The following CCDC32 variants were observed in gnomAD, a reference collection of about 807,000 sequenced individuals.
CCDC32 encodes coiled-coil domain-containing protein 32.
In CCDC32, 9 loss-of-function variants were observed where a neutral mutation model predicts 20.1. That is an observed-to-expected ratio of 0.45 (90% CI 0.27 to 0.78). CCDC32 has a LOEUF of 0.78. CCDC32 is among the 30% of genes least tolerant of loss of function. The pLI, the probability that CCDC32 is intolerant of heterozygous loss-of-function variation, is 0.16. For missense variants in CCDC32, 204 were observed against 215.5 expected, an observed-to-expected ratio of 0.95 and a Z score of 0.33; for synonymous variants, 63 against 79.0, an observed-to-expected ratio of 0.80 and a Z score of 1.07.
chr15:40,554,124 GGT>G lies in CCDC32; in HGVS notation c.403_404del (p.Thr135LeufsTer12). 6.2e-7 allele frequency: 1 copy of G among 1,613,012 alleles called. No individual in the cohort carries two copies. The highest frequency in any genetic ancestry group is 8.5e-7 in the Non-Finnish European group (1 of 1,179,214). ...GGAGCCACCTCTTGAAATGTTCCAAGGTGCTATGAAAGGGCAGAATAAAAGGG... is the reference window on the plus strand; with the variant it reads ...GGAGCCACCTCTTGAAATGTTCCAAGGCTATGAAAGGGCAGAATAAAAGGG... ...FVDGLDSDESTLEHFKRWLQP... is the reference protein window; with the variant it reads ...FVDGLDSDESXLEHFKRWLQP... On this transcript the variant is annotated frameshift_variant and splice_region_variant, in exon 4 of 4. Coordinates refer to ENST00000416810, the MANE Select transcript of CCDC32 (RefSeq NM_001080792.4). LOFTEE classifies it high-confidence loss of function.
At chr15:40,547,905 C>T (rs930986396) in intron 3 of CCDC32, among the ~76,000 whole-genome samples, 8 of 152,238 alleles carry the variant, frequency 5.3e-5, no homozygotes, top group East Asian at 3.8e-4. Flanking sequence ...TGCCTTTGCA[C>T]GCACTCTCGT....
chr15:40,524,734 T>A (rs1894877607), downstream of CCDC32, among the ~76,000 whole-genome samples: 1 of 137,934 alleles, frequency 7.2e-6, no homozygotes, highest in Non-Finnish European at 1.5e-5. Flanking sequence ...CTGTTCTTTT[T>A]CTTTCTTTTT....
At chr15:40,536,918 A>C (rs150539330), downstream of CCDC32, 2 of 152,408 alleles carry the variant, frequency 1.3e-5, no homozygotes, top group East Asian at 3.9e-4. Context: ...AGCTTCACTT[A>C]TATGGTGGCA....
chr15:40,539,871 C>CACACACACACACACAT (rs1734614606), intron 3 of CCDC32, among the ~76,000 whole-genome samples: 5 of 151,744 alleles, frequency 3.3e-5, no homozygotes, highest in Admixed American at 1.3e-4. Flanking sequence ...CACACACACA[C>CACACACACACACACAT]ACACACACAC....
downstream of CCDC32, chr15:40,539,224 C>T (rs867718900): frequency 2.9e-5 from 44 of 1,533,194 alleles, no homozygotes; most frequent in Middle Eastern, 1.7e-4. Context: ...CTGCCTGGCC[C>T]GCCCTGGCTG....
At chr15:40,530,985 C>T (rs1888857688), downstream of CCDC32, among the ~76,000 whole-genome samples, 2 of 151,752 alleles carry the variant, frequency 1.3e-5, 1 homozygote, top group South Asian at 4.2e-4. Flanking sequence ...GCTGGGTTTA[C>T]AGGCATGGGC....
In CCDC32 at chr15:40,553,302, G is replaced by C. The variant is rs935900294; in HGVS notation, c.*669C>G. 15 of 985,434 alleles carry C rather than the reference G, an allele frequency of 1.5e-5. No individual in the cohort carries two copies. The highest frequency in any genetic ancestry group is 1.8e-5 in the Non-Finnish European group (15 of 829,950). The allele number at this position is 985,434 out of a possible 1,614,324, so 61.0% of individuals were successfully genotyped here. ...AGTGCAGGAGGAAGTTGGAGGAGAA[G>C]CCATGCATGAAGTAAAAAATACATA... is the stretch of plus-strand genomic sequence containing the variant. On this transcript the variant is annotated 3_prime_UTR_variant, in exon 4 of 4. Coordinates refer to ENST00000416810, the MANE Select transcript of CCDC32 (RefSeq NM_001080792.4).
chr15:40,521,638 C>T, the CCDC32 span, among the ~76,000 whole-genome samples: 11 of 152,184 alleles, frequency 7.2e-5, no homozygotes, highest in East Asian at 1.9e-4. Flanking sequence ...TCTACATCCT[C>T]GCAGACTCTT....
At chr15:40,551,418 C>T (rs986953029), downstream of CCDC32, among the ~76,000 whole-genome samples, 1 of 151,952 alleles carries the variant, frequency 6.6e-6, no homozygotes, top group Non-Finnish European at 1.5e-5. Flanking sequence ...CATCAGATGG[C>T]CCTGGAGAGG....
downstream of CCDC32, chr15:40,535,540 C>G: frequency 3.0e-6 from 3 of 985,796 alleles, no homozygotes; most frequent in Non-Finnish European, 3.6e-6. Flanking sequence ...CGCCCCTTCT[C>G]TCCTCCTCCA....
chr15:40,557,555 C>G (rs950977821), intron 2 of CCDC32, 183 bp from the exon 3 acceptor site: 1 of 559,922 alleles, frequency 1.8e-6, no homozygotes, highest in Non-Finnish European at 3.0e-6. Flanking sequence ...TTTTCCTTCA[C>G]AAAGTCCTCA....
chr15:40,544,273 G>C (rs55944373), intron 3 of CCDC32, among the ~76,000 whole-genome samples: 13,209 of 152,222 alleles, frequency 0.087, 854 homozygotes, highest in Non-Finnish European at 0.13. Flanking sequence ...GGGTGCGGTA[G>C]GGCAATCATA....
At chr15:40,524,017 C>T (rs1894865881), downstream of CCDC32, among the ~76,000 whole-genome samples, 1 of 151,804 alleles carries the variant, frequency 6.6e-6, no homozygotes, top group Non-Finnish European at 1.5e-5. Context: ...TTCACAGTAG[C>T]CAAAAACTGG....
chr15:40,540,059 T>C (rs1019366234), intron 3 of CCDC32, among the ~76,000 whole-genome samples: 5 of 152,008 alleles, frequency 3.3e-5, no homozygotes, highest in African/African-American at 1.2e-4. Context: ...CTGGAGGTAA[T>C]GAATGGGCAA....
At chr15:40,555,239 A>T (rs1595891873) in intron 3 of CCDC32, among the ~76,000 whole-genome samples, 1 of 152,366 alleles carries the variant, frequency 6.6e-6, no homozygotes, top group South Asian at 2.1e-4. Context: ...GCTCAGGGGA[A>T]TCAGGTGTGA....
chr15:40,546,107 A>G lies in CCDC32; in HGVS notation c.402-6752T>C, dbSNP rs569203757. Among the ~76,000 whole-genome samples, 143 of 152,000 alleles carry G rather than the reference A, an allele frequency of 9.4e-4. 1 individual carries two copies. Among genetic ancestry groups the G allele is most frequent in the African/African-American group, 3.3e-3 (135 of 41,444 alleles). On this transcript the variant is annotated intron_variant, in intron 3 of 3. Coordinates refer to the CCDC32 transcript ENST00000558113. ...ACTGGTTCTTCACCTATGCCTACCT[A>G]CTGAAAAGCCTGTGGAAGCAATTCA...
At chr15:40,526,557 T>A (rs1894902764), downstream of CCDC32, among the ~76,000 whole-genome samples, 1 of 152,240 alleles carries the variant, frequency 6.6e-6, no homozygotes, top group Non-Finnish European at 1.5e-5. Context: ...CTTTGTCATA[T>A]GACCTTGTAC....
rs534457817 is a variant in CCDC32, at chr15:40,557,563, TCAC to T, written c.245-194_245-192del. 5.7e-6 allele frequency: 3 copies of T among 526,118 alleles called. No homozygotes were observed. The East Asian group carries it at 9.8e-5, about 17-fold the overall frequency. The allele number at this position is 526,118 out of a possible 1,614,324, so 32.6% of individuals were successfully genotyped here. ...TCTTCCTTTTTCCTTCACAAAGTCCTCACCCTGCATTGTATCAAATAAATGTTT... is the reference window on the plus strand; with the variant it reads ...TCTTCCTTTTTCCTTCACAAAGTCCTCCTGCATTGTATCAAATAAATGTTT... On this transcript the variant is annotated intron_variant, in intron 2 of 3. Coordinates refer to ENST00000416810, the MANE Select transcript of CCDC32 (RefSeq NM_001080792.4).
At chr15:40,522,364 T>C in the CCDC32 span, among the ~76,000 whole-genome samples, 2 of 152,222 alleles carry the variant, frequency 1.3e-5, no homozygotes, top group Non-Finnish European at 2.9e-5. Context: ...CACGGTTTTA[T>C]AGGAAGTTTT....
Sources: allele counts gnomAD v4.1 joint callset (sites outside exome capture counted in the v4.1 genomes callset), GRCh38; gene constraint gnomAD v4.1.1; transcripts MANE v1.5; gene names NCBI Gene and HGNC (gene_info 2026-07-23, HGNC 2026-07-21).